TRHDE: variants seen among roughly 807,000 people sequenced by gnomAD.
TRHDE encodes the protein thyrotropin-releasing hormone-degrading ectoenzyme.
TRHDE carries 72 observed loss-of-function variants against 125.7 expected under a neutral mutation model. The ratio of observed to expected loss-of-function variants is 0.57; its 90% CI spans 0.47 to 0.70. The LOEUF is 0.70. TRHDE is among the 30% of genes least tolerant of loss of function. The pLI, the probability that TRHDE is intolerant of heterozygous loss-of-function variation, is 0.00. For missense variants in TRHDE, 1,110 were observed against 1,327.1 expected, an observed-to-expected ratio of 0.84 and a Z score of 2.54; for synonymous variants, 509 against 509.1, an observed-to-expected ratio of 1.00 and a Z score of 0.00.
chr12:72,201,491 T>G (rs1877559036), intron 2 of TRHDE, among the ~76,000 whole-genome samples: 1 of 152,192 alleles, frequency 6.6e-6, no homozygotes, highest in Non-Finnish European at 1.5e-5. Flanking sequence ...AAGAGGTGAC[T>G]TGAGGACCCC....
rs1346113855 is a variant in TRHDE, at chr12:72,584,781, T to C, written c.2321+9239T>C. Among the ~76,000 whole-genome samples the C allele has an allele frequency of 5.4e-4, 82 of 152,242 alleles. 1 individual carries two copies. The highest frequency in any genetic ancestry group is 7.3e-5 in the Non-Finnish European group (5 of 68,042). ...TCCATTTTGTGTATATACCACATTT[T>C]CTTTATCAGTTCATCCATTGATAGA... On this transcript the variant is annotated intron_variant, in intron 12 of 18. Transcript: ENST00000261180.
At chr12:72,161,109 C>T (rs924357067) in intron 2 of TRHDE, among the ~76,000 whole-genome samples, 1 of 152,096 alleles carries the variant, frequency 6.6e-6, no homozygotes, top group African/African-American at 2.4e-5. Context: ...GACTTTGCCA[C>T]TAATAGTATG....
At chr12:72,115,981 G>GT (rs927723755) in intron 2 of TRHDE, among the ~76,000 whole-genome samples, 15 of 152,200 alleles carry the variant, frequency 9.9e-5, no homozygotes, top group Non-Finnish European at 1.3e-4. Context: ...CATGCATTAG[G>GT]TATTTGTCCT....
chr12:72,360,557 A>G (rs1871024375), intron 2 of TRHDE, among the ~76,000 whole-genome samples: 1 of 151,802 alleles, frequency 6.6e-6, no homozygotes, highest in Non-Finnish European at 1.5e-5. Flanking sequence ...TTTCATACCC[A>G]TTGTTTAACA....
At chr12:72,649,538 G>C (rs550427558) in intron 15 of TRHDE, among the ~76,000 whole-genome samples, 60 of 151,900 alleles carry the variant, frequency 3.9e-4, no homozygotes, top group Non-Finnish European at 8.0e-4. Flanking sequence ...ATAAATTGTG[G>C]GACTGCATCA....
At chr12:72,601,206 A>G (rs7978913) in intron 12 of TRHDE, among the ~76,000 whole-genome samples, 40,152 of 151,908 alleles carry the variant, frequency 0.26, 8,032 homozygotes, top group East Asian at 0.54. Flanking sequence ...ATAGGTTTAA[A>G]ACTTCAGTGG....
At chr12:72,352,250 A>T (rs1395264242) in intron 2 of TRHDE, among the ~76,000 whole-genome samples, 2 of 151,544 alleles carry the variant, frequency 1.3e-5, no homozygotes, top group African/African-American at 4.9e-5. Context: ...AAAAAAAAAG[A>T]TTTGGCCAGC....
intron 3 of TRHDE, among the ~76,000 whole-genome samples, chr12:72,456,570 G>A (rs992250807): frequency 1.3e-5 from 2 of 151,944 alleles, no homozygotes; most frequent in South Asian, 2.1e-4. Flanking sequence ...GTTACATGTC[G>A]TTTTGAGCTA....
In TRHDE at chr12:72,301,753, G is replaced by A. The variant is rs146312434; in HGVS notation, c.1188+14799G>A. 1.2e-3 allele frequency among the ~76,000 whole-genome samples: 179 copies of A among 152,258 alleles called. No homozygotes were observed. In the Middle Eastern group the frequency reaches 0.014, roughly 12 times the overall value. On this transcript the variant is annotated intron_variant, in intron 2 of 18. Transcript: ENST00000261180. ...TGCTTGACACATAGGAGTGTGCAAA[G>A]CTTGGCAGCTACACAGGTAAGATCA...
At chr12:72,100,243 G>A (rs1051004701) in intron 1 of TRHDE, among the ~76,000 whole-genome samples, 7 of 152,004 alleles carry the variant, frequency 4.6e-5, no homozygotes, top group Non-Finnish European at 1.0e-4. Flanking sequence ...CTTTTTATGA[G>A]GATTAAATGA....
chr12:72,615,031 C>A (rs532825249), intron 12 of TRHDE, among the ~76,000 whole-genome samples: 1 of 152,206 alleles, frequency 6.6e-6, no homozygotes, highest in African/African-American at 2.4e-5. Flanking sequence ...TATATGTGTG[C>A]ATGCAGCAAG....
At position 72,563,613 on chromosome 12, in the gene TRHDE, A is replaced by G. The variant is rs563876830; in HGVS notation, c.2042+573A>G. Among the ~76,000 whole-genome samples the G allele has an allele frequency of 5.4e-4, 83 of 152,306 alleles. 1 individual carries two copies. Among genetic ancestry groups the G allele is most frequent in the African/African-American group, 1.8e-3 (73 of 41,564 alleles). On this transcript the variant is annotated intron_variant, in intron 9 of 18. Coordinates refer to ENST00000261180, the MANE Select transcript of TRHDE (RefSeq NM_013381.3). ...CAGAATCTTTATTTGTTGTTTCTTT[A>G]ACTTTCTGCTGAAACTCATTTAATT...
At chr12:72,436,082 T>A (rs1042126337) in intron 3 of TRHDE, among the ~76,000 whole-genome samples, 1 of 152,092 alleles carries the variant, frequency 6.6e-6, no homozygotes, top group Non-Finnish European at 1.5e-5. Flanking sequence ...TGTTTTATTA[T>A]GTGGAGTTTG....
intron 3 of TRHDE, among the ~76,000 whole-genome samples, chr12:72,436,738 T>C (rs1874764552): frequency 6.6e-6 from 1 of 151,932 alleles, no homozygotes; most frequent in Non-Finnish European, 1.5e-5. Context: ...TTTTTCTGAA[T>C]TTTCTTATTG....
At chr12:72,297,930 G>C (rs1443841228) in intron 2 of TRHDE, among the ~76,000 whole-genome samples, 1 of 152,212 alleles carries the variant, frequency 6.6e-6, no homozygotes, top group Non-Finnish European at 1.5e-5. Flanking sequence ...TTAGTTAATG[G>C]AGGAGCTTAT....
At chr12:72,517,634 C>A (rs910045790) in intron 6 of TRHDE, among the ~76,000 whole-genome samples, 1 of 151,954 alleles carries the variant, frequency 6.6e-6, no homozygotes, top group Non-Finnish European at 1.5e-5. Context: ...TTTTTTGTGT[C>A]TCTATGTCCT....
At chr12:72,441,175 G>A (rs1874992109) in intron 3 of TRHDE, among the ~76,000 whole-genome samples, 1 of 151,740 alleles carries the variant, frequency 6.6e-6, no homozygotes, top group African/African-American at 2.4e-5. Context: ...AGTTTTCAGT[G>A]GCTATGTTGT....
intron 2 of TRHDE, among the ~76,000 whole-genome samples, chr12:72,294,261 T>A (rs528664416): frequency 6.6e-6 from 1 of 152,314 alleles, no homozygotes; most frequent in East Asian, 1.9e-4. Flanking sequence ...GTTCTTGTCC[T>A]GTGACCAGGA....
chr12:72,387,473 G>C (rs1020339071), intron 3 of TRHDE, among the ~76,000 whole-genome samples: 1 of 151,054 alleles, frequency 6.6e-6, no homozygotes, highest in African/African-American at 2.4e-5. Context: ...TTTTGCTTGG[G>C]GTCAAGAGTT....
Sources: allele counts gnomAD v4.1 joint callset (sites outside exome capture counted in the v4.1 genomes callset), GRCh38; gene constraint gnomAD v4.1.1; transcripts MANE v1.5; gene names NCBI Gene and HGNC (gene_info 2026-07-23, HGNC 2026-07-21).